LRFN5: variants seen among roughly 807,000 people sequenced by gnomAD.
LRFN5 encodes leucine-rich repeat and fibronectin type-III domain-containing protein 5.
Under a neutral mutation model 45.6 loss-of-function variants are expected in LRFN5, and 24 were observed. That is an observed-to-expected ratio of 0.53 (90% CI 0.38 to 0.74). The LOEUF (loss-of-function observed/expected upper bound fraction) is 0.74, where lower values mean the gene tolerates loss of function less well. LRFN5 is among the 30% of genes least tolerant of loss of function. The pLI is 0.00. For missense variants in LRFN5, 776 were observed against 861.5 expected, an observed-to-expected ratio of 0.90 and a Z score of 1.24; for synonymous variants, 340 against 313.8, an observed-to-expected ratio of 1.08 and a Z score of -0.88.
At chr14:41,797,441 G>A (rs867355854) in intron 2 of LRFN5, among the ~76,000 whole-genome samples, 4 of 151,326 alleles carry the variant, frequency 2.6e-5, no homozygotes, top group Non-Finnish European at 4.4e-5. Context: ...TATCAACTTG[G>A]CAAATCTTAT....
intron 1 of LRFN5, among the ~76,000 whole-genome samples, chr14:41,671,819 T>C (rs1309729763): frequency 6.6e-6 from 1 of 152,146 alleles, no homozygotes; most frequent in African/African-American, 2.4e-5. Context: ...GGTTTCACCA[T>C]GTTGGCCAGG....
intron 1 of LRFN5, among the ~76,000 whole-genome samples, chr14:41,650,267 A>ACACACACACACACAC (rs1555351106): frequency 3.2e-4 from 39 of 121,812 alleles, no homozygotes; most frequent in African/African-American, 1.0e-3. Context: ...ACACACACAC[A>ACACACACACACACAC]AAAAAAAAAA....
At chr14:41,782,980 T>TC (rs1886584498) in intron 2 of LRFN5, among the ~76,000 whole-genome samples, 1 of 150,450 alleles carries the variant, frequency 6.6e-6, no homozygotes, top group Non-Finnish European at 1.5e-5. Context: ...ACAGCTTTTT[T>TC]TTTTTTTTTT....
intron 2 of LRFN5, among the ~76,000 whole-genome samples, chr14:41,786,781 C>T (rs1051683225): frequency 3.3e-5 from 5 of 151,758 alleles, no homozygotes; most frequent in South Asian, 4.1e-4. Flanking sequence ...CACTGATGCA[C>T]GATACCTTTT....
At chr14:41,880,543 A>AT (rs1555329116) in intron 2 of LRFN5, among the ~76,000 whole-genome samples, 1 of 152,058 alleles carries the variant, frequency 6.6e-6, no homozygotes, top group Non-Finnish European at 1.5e-5. Context: ...TTTCATTTCA[A>AT]TTTAATAGTC....
intron 1 of LRFN5, among the ~76,000 whole-genome samples, chr14:41,654,364 A>G (rs935069094): frequency 6.6e-6 from 1 of 152,024 alleles, no homozygotes; most frequent in Non-Finnish European, 1.5e-5. Context: ...TCCAGGCAAG[A>G]AGTCTGAGTT....
At chr14:41,677,155 A>T (rs776835603) in intron 1 of LRFN5, among the ~76,000 whole-genome samples, 24 of 152,242 alleles carry the variant, frequency 1.6e-4, no homozygotes, top group Non-Finnish European at 3.4e-4. Context: ...AAAAAAATCT[A>T]GCAGAGATAT....
chr14:41,820,564 T>C (rs1566464373), intron 2 of LRFN5, among the ~76,000 whole-genome samples: 1 of 152,132 alleles, frequency 6.6e-6, no homozygotes, highest in Non-Finnish European at 1.5e-5. Context: ...AGCTTTGCTC[T>C]TTTTGCTTAG....
intron 1 of LRFN5, among the ~76,000 whole-genome samples, chr14:41,744,174 C>CA (rs1433584552): frequency 6.6e-6 from 1 of 151,888 alleles, no homozygotes; most frequent in Non-Finnish European, 1.5e-5. Flanking sequence ...GGCAACATGG[C>CA]AAAAATCTCA....
intron 1 of LRFN5, among the ~76,000 whole-genome samples, chr14:41,655,233 A>G (rs1880322176): frequency 6.6e-6 from 1 of 152,020 alleles, no homozygotes; most frequent in South Asian, 2.1e-4. Flanking sequence ...AGCTGCTAAT[A>G]GATTCTAGGG....
chr14:41,655,926 T>A (rs945600520), intron 1 of LRFN5, among the ~76,000 whole-genome samples: 1 of 152,060 alleles, frequency 6.6e-6, no homozygotes, highest in African/African-American at 2.4e-5. Flanking sequence ...AAGTGCTCAA[T>A]AAATATTAGC....
chr14:41,660,088 T>G (rs2138636238), intron 1 of LRFN5, among the ~76,000 whole-genome samples: 1 of 152,220 alleles, frequency 6.6e-6, no homozygotes, highest in South Asian at 2.1e-4. Flanking sequence ...TGCAATGGCA[T>G]GATCTTGGCT....
At chr14:41,868,250 A>G (rs1304850847) in intron 2 of LRFN5, among the ~76,000 whole-genome samples, 1 of 152,116 alleles carries the variant, frequency 6.6e-6, no homozygotes, top group Non-Finnish European at 1.5e-5. Context: ...TTGACTACCT[A>G]TTGAATAGCA....
chr14:41,897,351 A>G (rs996370894), intron 4 of LRFN5, among the ~76,000 whole-genome samples: 4 of 151,884 alleles, frequency 2.6e-5, no homozygotes. Context: ...GGTAAGTGTA[A>G]TGGTACACTT....
At chr14:41,880,033 G>C (rs1392664369) in intron 2 of LRFN5, among the ~76,000 whole-genome samples, 1 of 146,190 alleles carries the variant, frequency 6.8e-6, no homozygotes, top group Non-Finnish European at 1.5e-5. Flanking sequence ...GTTCGCGTCA[G>C]TCTCCTGCCT....
chr14:41,642,557 C>T lies in LRFN5; in HGVS notation c.-197+33995C>T, dbSNP rs547317786. The stretch of plus-strand genomic sequence containing the variant: ...GTGGTTCCTCATTGTTATTTAGTTT[C>T]TCCCATTCTAAGGGCAAAATAGGCT... On this transcript the variant is annotated intron_variant, in intron 1 of 5. Transcript: ENST00000298119. Among the ~76,000 whole-genome samples the T allele has an allele frequency of 2.0e-5, 3 of 152,244 alleles. No homozygotes were observed. The South Asian group carries it at 6.2e-4, about 32-fold the overall frequency.
chr14:41,862,630 C>T (rs1889704305), intron 2 of LRFN5, among the ~76,000 whole-genome samples: 1 of 151,996 alleles, frequency 6.6e-6, no homozygotes, highest in Admixed American at 6.6e-5. Flanking sequence ...GTAGAAAATG[C>T]CAAGTTATGA....
chr14:41,809,551 T>C (rs928192103), intron 2 of LRFN5, among the ~76,000 whole-genome samples: 2 of 151,836 alleles, frequency 1.3e-5, no homozygotes, highest in African/African-American at 4.8e-5. Context: ...AATATATAAG[T>C]CAAGTAAGGA....
chr14:41,755,975 T>A (rs1412453268), intron 1 of LRFN5, among the ~76,000 whole-genome samples: 1 of 152,212 alleles, frequency 6.6e-6, no homozygotes, highest in Admixed American at 6.5e-5. Flanking sequence ...TGAGAAAATC[T>A]CTCAGCATTT....
Sources: gnomAD v4.1 joint callset for allele counts (sites outside exome capture counted in the v4.1 genomes callset) on GRCh38, gnomAD v4.1.1 for gene constraint, MANE v1.5 for transcripts, NCBI Gene and HGNC (gene_info 2026-07-23, HGNC 2026-07-21) for gene names.